The following NXPE2 variants were observed in gnomAD, a reference collection of about 807,000 sequenced individuals.
The protein encoded by NXPE2 is NXPE family member 2.
Under a neutral mutation model 34.4 loss-of-function variants are expected in NXPE2, and 34 were observed. The ratio of observed to expected loss-of-function variants is 0.99; its 90% CI spans 0.75 to 1.31. The LOEUF is 1.31. Among genes scored for constraint, NXPE2 ranks in the 40% most tolerant of loss-of-function variants. The probability of loss-of-function intolerance (pLI) is 0.00; values close to 1 mark genes in which losing one functional copy is unlikely to be tolerated. For synonymous variants in NXPE2, 235 were observed against 231.3 expected (o/e 1.02, Z -0.15); for missense variants, 649 against 672.5 (o/e 0.97, Z 0.39).
the NXPE2 span, among the ~76,000 whole-genome samples, chr11:114,474,508 TATTGTCA>T: frequency 6.6e-6 from 1 of 152,206 alleles, no homozygotes; most frequent in Non-Finnish European, 1.5e-5. Context: ...CATTAAATGC[TATTGTCA>T]AGTGTATCAA....
the NXPE2 span, chr11:114,580,072 T>C: frequency 7.1e-7 from 1 of 1,406,916 alleles, no homozygotes; most frequent in Non-Finnish European, 1.0e-6. Flanking sequence ...CCTTCTCCCC[T>C]TTGAAATGGA....
At chr11:114,558,937 ATGTATTACTATGAAATGGT>A in the NXPE2 span, among the ~76,000 whole-genome samples, 1 of 152,182 alleles carries the variant, frequency 6.6e-6, no homozygotes, top group Non-Finnish European at 1.5e-5. Context: ...AGACTTTAAT[ATGTATTACTATGAAATGGT>A]TAAGAAACAT....
In NXPE2 at chr11:114,698,636, T is replaced by C. The variant is rs539053905; in HGVS notation, c.724T>C (p.Cys242Arg). Reference protein sequence around the residue: ...GLTLNTNAELCQYMDDRDQEA... With the variant: ...GLTLNTNAELRQYMDDRDQEA... The stretch of plus-strand genomic sequence containing the variant: ...GACCCTAAACACAAATGCTGAACTG[T>C]GCCAGTACATGGATGACAGAGACCA... Residue 242 changes from cysteine to arginine, a missense_variant, in exon 3 of 6, where the codon TGC (cysteine) becomes CGC (arginine). Cys to Arg is a radical substitution (Grantham distance 180). Transcript: ENST00000389586. 1.4e-4 allele frequency: 223 copies of C among 1,614,166 alleles called. No homozygotes were observed. The highest frequency in any genetic ancestry group is 1.8e-4 in the Non-Finnish European group (210 of 1,180,022).
the NXPE2 span, among the ~76,000 whole-genome samples, chr11:114,612,721 C>T: frequency 4.6e-5 from 7 of 151,886 alleles, no homozygotes; most frequent in Middle Eastern, 3.2e-3. Flanking sequence ...TGTGTTGCCT[C>T]GTGGGTAACC....
chr11:114,794,465 A>G, the NXPE2 span, among the ~76,000 whole-genome samples: 2 of 152,162 alleles, frequency 1.3e-5, no homozygotes, highest in Admixed American at 6.5e-5. Flanking sequence ...ACTGGGTGTG[A>G]ATGTGTACCT....
chr11:114,713,355 C>T, the NXPE2 span, among the ~76,000 whole-genome samples: 1 of 152,158 alleles, frequency 6.6e-6, no homozygotes, highest in South Asian at 2.1e-4. Flanking sequence ...CTTTCCCTTT[C>T]ATGGCAAATA....
the NXPE2 span, among the ~76,000 whole-genome samples, chr11:114,791,783 G>A: frequency 0.1 from 15,963 of 152,214 alleles, 950 homozygotes; most frequent in East Asian, 0.16. Flanking sequence ...GATGTCAGGC[G>A]CGGTGGCTCA....
the NXPE2 span, among the ~76,000 whole-genome samples, chr11:114,809,298 C>T: frequency 1.3e-5 from 2 of 151,986 alleles, no homozygotes; most frequent in African/African-American, 2.4e-5. Flanking sequence ...CAGGGATGCC[C>T]TCTCTCACCA....
the NXPE2 span, among the ~76,000 whole-genome samples, chr11:114,804,503 C>G: frequency 6.6e-6 from 1 of 152,228 alleles, no homozygotes; most frequent in African/African-American, 2.4e-5. Context: ...AAAGCAATCA[C>G]ATTTTATGAG....
At chr11:114,567,386 C>T in the NXPE2 span, among the ~76,000 whole-genome samples, 1 of 152,128 alleles carries the variant, frequency 6.6e-6, no homozygotes, top group Admixed American at 6.6e-5. Flanking sequence ...TTCTGCTTGT[C>T]CAGCAACTGC....
At chr11:114,671,601 G>T in the NXPE2 span, among the ~76,000 whole-genome samples, 1 of 151,920 alleles carries the variant, frequency 6.6e-6, no homozygotes, top group African/African-American at 2.4e-5. Context: ...CTTTTCTTTA[G>T]AAACAGTGGC....
chr11:114,725,994 A>ATATATATATATATATATATATATATATAT, the NXPE2 span, among the ~76,000 whole-genome samples: 439 of 86,312 alleles, frequency 5.1e-3, 28 homozygotes, highest in Admixed American at 7.5e-3. Flanking sequence ...TATATATATA[A>ATATATATATATATATATATATATATATAT]AAAGAAAAAG....
the NXPE2 span, among the ~76,000 whole-genome samples, chr11:114,619,971 C>A: frequency 1.1e-3 from 163 of 152,018 alleles, no homozygotes; most frequent in African/African-American, 3.9e-3. Flanking sequence ...CGTGAGTAAC[C>A]ACTGTTACCT....
At chr11:114,472,547 C>G in the NXPE2 span, among the ~76,000 whole-genome samples, 3 of 152,160 alleles carry the variant, frequency 2.0e-5, no homozygotes, top group African/African-American at 7.2e-5. Context: ...TTAGTCTGTG[C>G]AGGCTGCTAT....
the NXPE2 span, among the ~76,000 whole-genome samples, chr11:114,599,067 T>G: frequency 6.6e-6 from 1 of 152,196 alleles, no homozygotes; most frequent in Admixed American, 6.5e-5. Context: ...TTTACATCTT[T>G]TTTTTGCACA....
the NXPE2 span, among the ~76,000 whole-genome samples, chr11:114,764,701 C>T: frequency 1.3e-5 from 2 of 152,290 alleles, no homozygotes; most frequent in South Asian, 4.1e-4. Flanking sequence ...CCCTTCTATA[C>T]TAACCTCAGG....
the NXPE2 span, among the ~76,000 whole-genome samples, chr11:114,647,890 C>T: frequency 2.0e-5 from 3 of 151,978 alleles, no homozygotes; most frequent in South Asian, 2.1e-4. Context: ...TTAGTAGAGA[C>T]GAGGTTTCAC....
chr11:114,792,173 C>T, the NXPE2 span, among the ~76,000 whole-genome samples: 119 of 152,254 alleles, frequency 7.8e-4, no homozygotes, highest in African/African-American at 2.5e-3. Flanking sequence ...CATAGGGGTG[C>T]CTTTGGCAGA....
chr11:114,704,121 A>G, intron 4 of NXPE2, 69 bp downstream of exon 4: 1 of 1,127,548 alleles, frequency 8.9e-7, no homozygotes, highest in Non-Finnish European at 1.3e-6. Flanking sequence ...TTACTTAGAG[A>G]TATTTATTCC....
Sources: allele counts gnomAD v4.1 joint callset (sites outside exome capture counted in the v4.1 genomes callset), GRCh38; gene constraint gnomAD v4.1.1; transcripts MANE v1.5; gene names NCBI Gene and HGNC (gene_info 2026-07-23, HGNC 2026-07-21).